LDLRAD4: variants seen among roughly 807,000 people sequenced by gnomAD.
The protein encoded by LDLRAD4 is low-density lipoprotein receptor class A domain-containing protein 4.
Under a neutral mutation model 17.0 loss-of-function variants are expected in LDLRAD4, and 5 were observed. The observed-to-expected ratio is 0.29, with a 90% confidence interval of 0.15 to 0.62. The LOEUF (loss-of-function observed/expected upper bound fraction) is 0.62. Ranked by LOEUF, LDLRAD4 falls within the 20% of genes least tolerant of loss-of-function variation. LDLRAD4 has a pLI of 0.84. For synonymous variants in LDLRAD4, 168 were observed against 171.8 expected, an observed-to-expected ratio of 0.98 and a Z score of 0.17; for missense variants, 340 against 424.7, an observed-to-expected ratio of 0.80 and a Z score of 1.75.
intron 1 of LDLRAD4, among the ~76,000 whole-genome samples, chr18:13,335,394 C>T (rs2082057453): frequency 6.6e-6 from 1 of 152,104 alleles, no homozygotes; most frequent in South Asian, 2.1e-4. Flanking sequence ...TGAATGATAC[C>T]TGTTGATTCT....
chr18:13,526,655 T>C (rs1306375753), intron 3 of LDLRAD4: 1 of 152,244 alleles, frequency 6.6e-6, no homozygotes, highest in Non-Finnish European at 1.5e-5. Context: ...AAAATGTCAG[T>C]TCTACAATGA....
intron 1 of LDLRAD4, among the ~76,000 whole-genome samples, chr18:13,278,881 C>T (rs1946045676): frequency 6.6e-6 from 1 of 152,190 alleles, no homozygotes; most frequent in African/African-American, 2.4e-5. Context: ...AGGAATCCCC[C>T]CTGAAGCTCT....
chr18:13,401,316 A>G (rs558760732), intron 2 of LDLRAD4, among the ~76,000 whole-genome samples: 2 of 151,780 alleles, frequency 1.3e-5, no homozygotes, highest in Admixed American at 6.6e-5. Flanking sequence ...TTGGCTAGGA[A>G]TGTTTGCTAT....
intron 3 of LDLRAD4, among the ~76,000 whole-genome samples, chr18:13,525,889 C>G (rs949040830): frequency 1.3e-5 from 2 of 152,234 alleles, no homozygotes; most frequent in African/African-American, 2.4e-5. Context: ...CTCACCACCC[C>G]CTTTATCACT....
chr18:13,641,941 C>G (rs1601880301), intron 4 of LDLRAD4: 3 of 985,470 alleles, frequency 3.0e-6, no homozygotes, highest in Admixed American at 6.1e-5. Flanking sequence ...ACTGGGCTCC[C>G]GGAGCGAGGA....
chr18:13,341,493 A>G (rs1479128388), intron 1 of LDLRAD4, among the ~76,000 whole-genome samples: 2 of 152,110 alleles, frequency 1.3e-5, no homozygotes, highest in Non-Finnish European at 2.9e-5. Context: ...ACACTATTAT[A>G]AAAGGAATTA....
At chr18:13,636,767 T>C (rs1347395599) in intron 4 of LDLRAD4, among the ~76,000 whole-genome samples, 1 of 151,394 alleles carries the variant, frequency 6.6e-6, no homozygotes, top group Non-Finnish European at 1.5e-5. Flanking sequence ...GCCAAAATGC[T>C]GGGATCACAA....
intron 1 of LDLRAD4, among the ~76,000 whole-genome samples, chr18:13,278,852 C>G (rs1458981986): frequency 4.6e-5 from 7 of 152,138 alleles, no homozygotes; most frequent in Admixed American, 4.6e-4. Context: ...AAACTTTTGG[C>G]AAATGAAACA....
intron 1 of LDLRAD4, among the ~76,000 whole-genome samples, chr18:13,309,722 G>A (rs913632890): frequency 5.9e-5 from 9 of 152,140 alleles, no homozygotes; most frequent in African/African-American, 1.9e-4. Context: ...CGGGAGGTGT[G>A]CATGAGAGTG....
At chr18:13,642,867 G>C (rs1278902974) in intron 4 of LDLRAD4, 4 of 547,330 alleles carry the variant, frequency 7.3e-6, no homozygotes, top group Non-Finnish European at 1.1e-5. Flanking sequence ...GTCTGAAAAG[G>C]GACGGGCTCT....
At chr18:13,413,853 C>T (rs1600087826) in intron 2 of LDLRAD4, among the ~76,000 whole-genome samples, 2 of 151,824 alleles carry the variant, frequency 1.3e-5, no homozygotes, top group South Asian at 4.2e-4. Flanking sequence ...AGTGCTTGAG[C>T]CCAGGAGTAG....
At position 13,352,360 on chromosome 18, in the gene LDLRAD4, T is replaced by A. The variant is rs370807916; in HGVS notation, c.-382-34981T>A. Reference sequence around the variant, plus strand: ...AGTTCAAGTTTTGGAACATACAGAATTCTTGGCTGACAGGTTGTTTTTGTT... The same window carrying A: ...AGTTCAAGTTTTGGAACATACAGAAATCTTGGCTGACAGGTTGTTTTTGTT... On this transcript the variant is annotated intron_variant, in intron 1 of 5. Transcript: ENST00000359446. Among the ~76,000 whole-genome samples the A allele has an allele frequency of 2.0e-5, 3 of 151,744 alleles. No homozygotes were observed. In the South Asian group the frequency reaches 6.3e-4, roughly 32 times the overall value.
chr18:13,427,071 A>G (rs1290188478), intron 2 of LDLRAD4, among the ~76,000 whole-genome samples: 2 of 152,196 alleles, frequency 1.3e-5, no homozygotes, highest in Admixed American at 1.3e-4. Context: ...CTGTAGTCCC[A>G]GCTACTCGGG....
chr18:13,604,622 G>A (rs769025687), intron 3 of LDLRAD4, among the ~76,000 whole-genome samples: 31 of 152,090 alleles, frequency 2.0e-4, no homozygotes, highest in Non-Finnish European at 3.7e-4. Context: ...GATGAATTAC[G>A]AAAGTTATTC....
chr18:13,448,612 G>A (rs906801672), intron 3 of LDLRAD4, among the ~76,000 whole-genome samples: 21 of 151,944 alleles, frequency 1.4e-4, no homozygotes, highest in African/African-American at 4.8e-4. Context: ...GGTGGGAGTC[G>A]GGAAGGAGAT....
chr18:13,392,466 G>A (rs1418993054), intron 2 of LDLRAD4, among the ~76,000 whole-genome samples: 1 of 152,216 alleles, frequency 6.6e-6, no homozygotes, highest in Non-Finnish European at 1.5e-5. Flanking sequence ...GACTCTGGCT[G>A]TCCTAAAAAC....
chr18:13,633,178 A>G (rs186378133), intron 4 of LDLRAD4, among the ~76,000 whole-genome samples: 2 of 152,370 alleles, frequency 1.3e-5, no homozygotes, highest in East Asian at 3.9e-4. Context: ...AGGCAGGTTG[A>G]TCCGATGTCT....
At chr18:13,246,843 A>T (rs2042979792) in intron 1 of LDLRAD4, among the ~76,000 whole-genome samples, 1 of 152,178 alleles carries the variant, frequency 6.6e-6, no homozygotes, top group Non-Finnish European at 1.5e-5. Flanking sequence ...GGTTAGACAA[A>T]CAGCCCTGCA....
chr18:13,350,099 A>T (rs112341618), intron 1 of LDLRAD4, among the ~76,000 whole-genome samples: 10,407 of 152,084 alleles, frequency 0.068, 956 homozygotes, highest in African/African-American at 0.21. Context: ...AATATACAAC[A>T]TGTGTCTTTA....
Sources: allele counts gnomAD v4.1 joint callset (sites outside exome capture counted in the v4.1 genomes callset), GRCh38; gene constraint gnomAD v4.1.1; transcripts MANE v1.5; gene names NCBI Gene and HGNC (gene_info 2026-07-23, HGNC 2026-07-21).